NRG1: variants seen among roughly 807,000 people sequenced by gnomAD.
The protein encoded by NRG1 is pro-neuregulin-1, membrane-bound isoform.
A neutral mutation model predicts 63.8 loss-of-function variants in NRG1; 18 were observed. The observed-to-expected ratio is 0.28, with a 90% confidence interval of 0.19 to 0.42. NRG1 has a LOEUF of 0.42. NRG1 is among the 10% of genes least tolerant of loss of function. The pLI is 1.00. For synonymous variants in NRG1, 302 were observed against 301.3 expected (o/e 1.00, Z -0.02); for missense variants, 762 against 814.7 (o/e 0.94, Z 0.79).
At chr8:31,639,563 C>G in intron 1 of NRG1, 1 of 1,439,090 alleles carries the variant, frequency 6.9e-7, no homozygotes, top group Admixed American at 2.2e-5. Context: ...CCCCAGCAGC[C>G]GCCGCAGCAT....
intron 1 of NRG1, among the ~76,000 whole-genome samples, chr8:31,763,148 C>T (rs975670493): frequency 1.1e-4 from 16 of 152,032 alleles, no homozygotes; most frequent in African/African-American, 3.6e-4. Context: ...TCTCAGCAAA[C>T]TTGGAATAGA....
At chr8:32,614,514 A>G in exon 4 of NRG1, 1 of 1,611,110 alleles carries the variant, frequency 6.2e-7, no homozygotes, top group South Asian at 1.1e-5. Context: ...TTTTTTTCAG[A>G]GATCATCACT....
Position 32,344,022 on chromosome 8 carries a change from A to G in NRG1, c.38-251806A>G, listed in dbSNP as rs539008495. ...ACTCTCAAGCTCAGGTGTGACCTTCATAGACAGGCTGTTGTAAAGTCTAGT... is the reference window on the plus strand; with the variant it reads ...ACTCTCAAGCTCAGGTGTGACCTTCGTAGACAGGCTGTTGTAAAGTCTAGT... On this transcript the variant is annotated intron_variant, in intron 1 of 10. Coordinates refer to the NRG1 transcript ENST00000519301. 1.6e-4 allele frequency among the ~76,000 whole-genome samples: 24 copies of G among 152,358 alleles called. No individual in the cohort carries two copies. The South Asian group carries it at 4.1e-3, about 26-fold the overall frequency.
chr8:32,616,436 C>T (rs1847374550), intron 4 of NRG1, among the ~76,000 whole-genome samples: 1 of 152,078 alleles, frequency 6.6e-6, no homozygotes, highest in South Asian at 2.1e-4. Context: ...TGAAAATTGG[C>T]TTTCACTCTC....
chr8:32,701,087 C>G (rs2128959690), intron 5 of NRG1, among the ~76,000 whole-genome samples: 1 of 152,302 alleles, frequency 6.6e-6, no homozygotes, highest in Non-Finnish European at 1.5e-5. Flanking sequence ...CCTTTTGGAA[C>G]TTTCCAGAAG....
At chr8:31,852,834 C>T (rs977418750) in intron 1 of NRG1, among the ~76,000 whole-genome samples, 14 of 152,144 alleles carry the variant, frequency 9.2e-5, no homozygotes, top group Non-Finnish European at 2.9e-5. Context: ...ATATGGCTAG[C>T]CAGTTTTCCC....
Position 32,708,599 on chromosome 8 carries a change from C to A in NRG1, c.503-19350C>A, listed in dbSNP as rs376247819. Among the ~76,000 whole-genome samples, 37 of 152,286 alleles carry A rather than the reference C, an allele frequency of 2.4e-4. No homozygotes were observed. The East Asian group carries it at 5.2e-3, about 21-fold the overall frequency. Reference sequence around the variant, plus strand: ...TCCACCTGTAGGGTCTTGGCAAACTCCTAATCTGTCTGAGATATTGTTTAC... The same window carrying A: ...TCCACCTGTAGGGTCTTGGCAAACTACTAATCTGTCTGAGATATTGTTTAC... On this transcript the variant is annotated intron_variant, in intron 5 of 11. Transcript: ENST00000356819.
At chr8:32,058,880 A>G (rs964441841) in intron 1 of NRG1, among the ~76,000 whole-genome samples, 1 of 151,946 alleles carries the variant, frequency 6.6e-6, no homozygotes, top group African/African-American at 2.4e-5. Flanking sequence ...CTTCTCACTC[A>G]TTTCAGGCCC....
rs574344347 is a variant in NRG1 at position 32,654,038 on chromosome 8, A to T, written c.502+37153A>T. Among the ~76,000 whole-genome samples the T allele has an allele frequency of 3.3e-5, 5 of 152,132 alleles. No homozygotes were observed. The South Asian group carries it at 1.0e-3, about 32-fold the overall frequency. On this transcript the variant is annotated intron_variant, in intron 5 of 11. Transcript: ENST00000356819. ...TAGTATCTTATAATCATAGAATTTT[A>T]TATGCTGAACATTTTTAGAGATTAT...
intron 3 of NRG1, among the ~76,000 whole-genome samples, chr8:32,613,764 C>T (rs142414494): frequency 0.015 from 2,343 of 152,080 alleles, 17 homozygotes; most frequent in Middle Eastern, 0.027. Context: ...TGTACCTTTC[C>T]AAAAGTGTTA....
chr8:31,651,389 A>G (rs1359063674), intron 1 of NRG1, among the ~76,000 whole-genome samples: 4 of 152,216 alleles, frequency 2.6e-5, no homozygotes, highest in African/African-American at 7.2e-5. Context: ...AAAAATAAAG[A>G]TTTGAATGGT....
intron 1 of NRG1, among the ~76,000 whole-genome samples, chr8:32,012,512 G>C (rs1814914389): frequency 6.6e-6 from 1 of 152,062 alleles, no homozygotes; most frequent in Non-Finnish European, 1.5e-5. Context: ...AGCTTCTTAA[G>C]AATTATAATG....
chr8:32,118,174 A>G (rs1490981619), intron 1 of NRG1, among the ~76,000 whole-genome samples: 2 of 152,040 alleles, frequency 1.3e-5, no homozygotes, highest in East Asian at 1.9e-4. Flanking sequence ...TTTGATCCCT[A>G]GCATTGGAGG....
chr8:32,260,855 C>T (rs1275488433), intron 1 of NRG1, among the ~76,000 whole-genome samples: 2 of 152,176 alleles, frequency 1.3e-5, no homozygotes, highest in African/African-American at 4.8e-5. Context: ...CTTTGCTTTC[C>T]TTGATCTTGC....
At chr8:31,961,526 C>T (rs937283648) in intron 1 of NRG1, among the ~76,000 whole-genome samples, 1 of 152,120 alleles carries the variant, frequency 6.6e-6, no homozygotes, top group African/African-American at 2.4e-5. Flanking sequence ...AGTAGTATCT[C>T]ATTTATGTAC....
chr8:32,137,366 C>G (rs532543213), intron 1 of NRG1, among the ~76,000 whole-genome samples: 1 of 151,964 alleles, frequency 6.6e-6, no homozygotes, highest in South Asian at 2.1e-4. Context: ...TGCTTGAACC[C>G]GAGAGGCCAA....
rs372415918 is a variant in NRG1 at position 32,530,085 on chromosome 8, T to C, written c.38-65743T>C. Among the ~76,000 whole-genome samples, 3 of 152,062 alleles carry C rather than the reference T, an allele frequency of 2.0e-5. No homozygotes were observed. In the East Asian group the frequency reaches 5.8e-4, roughly 29 times the overall value. On this transcript the variant is annotated intron_variant, in intron 1 of 10. Transcript: ENST00000519301. Reference sequence around the variant, plus strand: ...CTACAATGTCACTAGGTGATAGGAATTTTTTAGCTCCATTATAATCCTTTT... The same window carrying C: ...CTACAATGTCACTAGGTGATAGGAACTTTTTAGCTCCATTATAATCCTTTT...
intron 1 of NRG1, among the ~76,000 whole-genome samples, chr8:32,157,017 T>C (rs1445961248): frequency 6.6e-6 from 1 of 151,592 alleles, no homozygotes; most frequent in African/African-American, 2.4e-5. Flanking sequence ...AGTCTCAATA[T>C]GCTCCAAAAA....
At chr8:31,692,602 C>G (rs1486248423) in intron 1 of NRG1, among the ~76,000 whole-genome samples, 1 of 152,166 alleles carries the variant, frequency 6.6e-6, no homozygotes, top group African/African-American at 2.4e-5. Flanking sequence ...TAACTATAAA[C>G]TTGCATTTTG....
Sources: gnomAD v4.1 joint callset for allele counts (sites outside exome capture counted in the v4.1 genomes callset) on GRCh38, gnomAD v4.1.1 for gene constraint, MANE v1.5 for transcripts, NCBI Gene and HGNC (gene_info 2026-07-23, HGNC 2026-07-21) for gene names.